PDZD2: variants seen among roughly 807,000 people sequenced by gnomAD.
PDZD2 encodes the protein PDZ domain-containing protein 2.
Under a neutral mutation model 220.7 loss-of-function variants are expected in PDZD2, and 90 were observed. That is an observed-to-expected ratio of 0.41 (90% confidence interval 0.34 to 0.49). The LOEUF (loss-of-function observed/expected upper bound fraction) is 0.49. Ranked by LOEUF, PDZD2 falls within the 20% of genes least tolerant of loss-of-function variation. The pLI is 0.28. For synonymous variants in PDZD2, 1,375 were observed against 1,450.5 expected (o/e 0.95, Z 1.18); for missense variants, 3,174 against 3,608.5 (o/e 0.88, Z 3.08).
intron 5 of PDZD2, among the ~76,000 whole-genome samples, chr5:32,008,554 G>T (rs1173479997): frequency 3.9e-5 from 6 of 152,090 alleles, no homozygotes. Context: ...CCAAGTGCTA[G>T]GATTACAGGC....
chr5:31,752,073 G>GTTTTTTTTTTTTTTTTTTT (rs3032803), intron 1 of PDZD2, among the ~76,000 whole-genome samples: 2 of 95,064 alleles, frequency 2.1e-5, no homozygotes, highest in African/African-American at 4.2e-5. Flanking sequence ...TTTTGGGTTT[G>GTTTTTTTTTTTTTTTTTTT]TTTTTTTTTT....
intron 1 of PDZD2, among the ~76,000 whole-genome samples, chr5:31,775,002 G>A (rs1056890366): frequency 6.6e-6 from 1 of 152,198 alleles, no homozygotes; most frequent in African/African-American, 2.4e-5. Context: ...TCAACATGAT[G>A]TCAACCAGCT....
At chr5:31,884,700 T>C (rs1379276195) in intron 2 of PDZD2, among the ~76,000 whole-genome samples, 1 of 152,186 alleles carries the variant, frequency 6.6e-6, no homozygotes, top group Non-Finnish European at 1.5e-5. Context: ...GCGATTCTCC[T>C]GCCTCAGGCT....
In PDZD2 at chr5:32,088,556, G is replaced by C. The variant is rs757308361; in HGVS notation, c.5108G>C (p.Ser1703Thr). 2 of 1,614,078 alleles carry C rather than the reference G, an allele frequency of 1.2e-6. No homozygotes were observed. The highest frequency in any genetic ancestry group is 8.5e-7 in the Non-Finnish European group (1 of 1,179,958). Residue 1703 changes from serine (S) to threonine (T), a missense_variant, in exon 20 of 25, where the codon AGC (serine) becomes ACC (threonine). This residue lies in a region of PDZD2 where 1,861 missense variants were observed against 2,001.0 expected (regional missense o/e 0.93). Transcript: ENST00000438447. The surrounding 1 kb of genome is among the most constrained non-coding windows in gnomAD (Gnocchi z 4.6). ...GAAACCACAGAAGTCACCAGCGCTA[G>C]CTCAGCCATGGAAAACAGTCCGCTG... ...AEETTEVTSA[S>T]SAMENSPLSK... is the part of the protein sequence containing the mutation.
At position 32,088,916 on chromosome 5, in the gene PDZD2, C is replaced by T. The variant is rs1279583152; in HGVS notation, c.5468C>T (p.Pro1823Leu). 1 of 1,613,854 alleles carries T rather than the reference C, an allele frequency of 6.2e-7. No homozygotes were observed. The highest frequency in any genetic ancestry group is 1.7e-5 in the Admixed American group (1 of 59,982). The change falls in exon 20 of 25, where the codon CCT (proline) becomes CTT (leucine). Residue 1823 changes from proline (P) to leucine (L), a missense_variant. By Grantham distance (98) the Pro-to-Leu change is moderately conservative (BLOSUM62 -3). Transcript: ENST00000438447. The surrounding 1 kb of genome is among the most constrained non-coding windows in gnomAD (Gnocchi z 4.6). ...HLRSKTEKEQ[P>L]LMPARSPDSK... is the part of the protein sequence containing the mutation. ...AGGAGCAAAACCGAGAAGGAACAACCTCTAATGCCTGCCAGAAGTCCCGAC... is the reference window on the plus strand; with the variant it reads ...AGGAGCAAAACCGAGAAGGAACAACTTCTAATGCCTGCCAGAAGTCCCGAC...
At chr5:31,735,145 A>C (rs1300037675) in intron 1 of PDZD2, among the ~76,000 whole-genome samples, 1 of 152,194 alleles carries the variant, frequency 6.6e-6, no homozygotes, top group African/African-American at 2.4e-5. Flanking sequence ...GAGCGTGGAT[A>C]TGATGGCAGC....
At chr5:32,048,804 A>C in intron 8 of PDZD2, 120 bp downstream of exon 8, 3 of 937,146 alleles carry the variant, frequency 3.2e-6, no homozygotes, top group Non-Finnish European at 4.8e-6. Flanking sequence ...GAGAGACAGC[A>C]GGCAAAGTGA....
At chr5:31,969,758 T>C (rs1016804886) in intron 2 of PDZD2, among the ~76,000 whole-genome samples, 1 of 152,226 alleles carries the variant, frequency 6.6e-6, no homozygotes, top group South Asian at 2.1e-4. Flanking sequence ...GAATTATATA[T>C]GTTGGATATG....
At chr5:31,855,256 G>A in intron 2 of PDZD2, 1 of 354,876 alleles carries the variant, frequency 2.8e-6, no homozygotes, top group Non-Finnish European at 3.9e-6. Flanking sequence ...CACAAATGTG[G>A]AGATTTAGCC....
chr5:31,671,165 G>A (rs1746201252), intron 1 of PDZD2, among the ~76,000 whole-genome samples: 2 of 152,098 alleles, frequency 1.3e-5, no homozygotes, highest in Non-Finnish European at 2.9e-5. Context: ...TGGGCCAGGA[G>A]GATTCACAGA....
chr5:31,946,144 AGGCGTGCGCCACCACACCT>A (rs1418807041), intron 2 of PDZD2, among the ~76,000 whole-genome samples: 5 of 152,214 alleles, frequency 3.3e-5, no homozygotes, highest in Admixed American at 1.3e-4. Flanking sequence ...CTAGGACTAC[AGGCGTGCGCCACCACACCT>A]GGTTAATTCT....
At chr5:31,703,947 T>C (rs201295392) in intron 1 of PDZD2, among the ~76,000 whole-genome samples, 11 of 124,744 alleles carry the variant, frequency 8.8e-5, no homozygotes, top group Non-Finnish European at 1.6e-4. Flanking sequence ...CTCTCTCTCT[T>C]TCTCTCTCTT....
At chr5:31,881,375 T>TATATA (rs869172050) in intron 2 of PDZD2, among the ~76,000 whole-genome samples, 11 of 121,636 alleles carry the variant, frequency 9.0e-5, no homozygotes, top group African/African-American at 3.5e-4. Context: ...TGTGTATATA[T>TATATA]TTTTTTTTTT....
intron 1 of PDZD2, among the ~76,000 whole-genome samples, chr5:31,752,068 G>T (rs1294491459): frequency 1.0e-5 from 1 of 95,914 alleles, no homozygotes; most frequent in Non-Finnish European, 1.9e-5. Context: ...TATTGTTTTG[G>T]GTTTGTTTTT....
At chr5:31,823,065 T>C in intron 2 of PDZD2, 1 of 1,017,500 alleles carries the variant, frequency 9.8e-7, no homozygotes, top group Non-Finnish European at 1.4e-6. Flanking sequence ...TCACAATAAC[T>C]GTGCATCCCT....
intron 2 of PDZD2, among the ~76,000 whole-genome samples, chr5:31,818,032 C>T (rs918732296): frequency 1.7e-4 from 25 of 143,744 alleles, no homozygotes; most frequent in Admixed American, 8.1e-4. Context: ...TGCAATGGCA[C>T]GATCACGGCT....
Position 31,639,165 on chromosome 5 carries a change from G to A in PDZD2, c.-633G>A, listed in dbSNP as rs1744836630. 6.6e-6 allele frequency among the ~76,000 whole-genome samples: 1 copy of A among 152,178 alleles called. No individual in the cohort carries two copies. The highest frequency in any genetic ancestry group is 1.9e-4 in the East Asian group (1 of 5,152). On this transcript the variant is annotated 5_prime_UTR_variant, in exon 1 of 25. Coordinates refer to ENST00000438447, the MANE Select transcript of PDZD2 (RefSeq NM_178140.4). This position sits in a 1 kb window ranked among gnomAD's most constrained non-coding sequence, Gnocchi z 4.1. ...CGGATCCCCTGCGCAGCGAGGCGAG[G>A]AGCGGACCCCAGCGCCGGTGCGTGC... is the stretch of plus-strand genomic sequence containing the variant.
intron 2 of PDZD2, among the ~76,000 whole-genome samples, chr5:31,911,723 A>G (rs1012716457): frequency 6.6e-6 from 1 of 152,210 alleles, no homozygotes; most frequent in African/African-American, 2.4e-5. Flanking sequence ...GAGCCAAACC[A>G]TACCATGAGT....
chr5:31,961,860 G>A (rs1234017008), intron 2 of PDZD2, among the ~76,000 whole-genome samples: 5 of 152,084 alleles, frequency 3.3e-5, no homozygotes, highest in South Asian at 2.1e-4. Flanking sequence ...GCTAGGCTGC[G>A]CCCACCTTGG....
Sources: gnomAD v4.1 joint callset for allele counts (sites outside exome capture counted in the v4.1 genomes callset) on GRCh38, gnomAD v4.1.1 for gene constraint, gnomAD v4.1.1 regional missense constraint, Gnocchi (gnomAD v3.1) non-coding constraint, MANE v1.5 for transcripts, NCBI Gene and HGNC (gene_info 2026-07-23, HGNC 2026-07-21) for gene names.